FAF1: variants seen among roughly 807,000 people sequenced by gnomAD.
FAF1 encodes the protein FAS-associated factor 1.
A neutral mutation model predicts 92.5 loss-of-function variants in FAF1; 25 were observed. The ratio of observed to expected loss-of-function variants is 0.27; its 90% CI spans 0.20 to 0.38. The LOEUF (loss-of-function observed/expected upper bound fraction) is 0.38. Ranked by LOEUF, FAF1 falls within the 10% of genes least tolerant of loss-of-function variation. The probability of loss-of-function intolerance (pLI) is 1.00; values close to 1 mark genes in which losing one functional copy is unlikely to be tolerated. For synonymous variants in FAF1, 234 were observed against 273.2 expected, an observed-to-expected ratio of 0.86 and a Z score of 1.42; for missense variants, 636 against 793.3, an observed-to-expected ratio of 0.80 and a Z score of 2.38.
At chr1:50,837,904 C>T (rs1193600159) in intron 2 of FAF1, among the ~76,000 whole-genome samples, 1 of 152,030 alleles carries the variant, frequency 6.6e-6, no homozygotes, top group South Asian at 2.1e-4. Flanking sequence ...ACACCATGCC[C>T]AGCTAATTTT....
intron 4 of FAF1, among the ~76,000 whole-genome samples, chr1:50,751,964 GTTTTGT>G (rs916595250): frequency 1.4e-4 from 22 of 152,038 alleles, no homozygotes; most frequent in Admixed American, 5.2e-4. Flanking sequence ...TTGTGGGAAG[GTTTTGT>G]TTTTGTTTTT....
In FAF1 at chr1:50,649,779, A is replaced by G. The variant is rs548727259; in HGVS notation, c.744+5663T>C. On this transcript the variant is annotated intron_variant, in intron 8 of 18. Coordinates refer to ENST00000396153, the MANE Select transcript of FAF1 (RefSeq NM_007051.3). ...AACTTATGAAACCGCGTCTCTACTA[A>G]AACTACAAAAAAAAAAAAAAAAGAA... 5.5e-3 allele frequency among the ~76,000 whole-genome samples: 819 copies of G among 147,594 alleles called. 2 individuals carry two copies. The highest frequency in any genetic ancestry group is 7.8e-3 in the Non-Finnish European group (522 of 66,772).
chr1:50,772,360 G>A (rs1352627050), intron 4 of FAF1, among the ~76,000 whole-genome samples: 1 of 152,002 alleles, frequency 6.6e-6, no homozygotes, highest in Non-Finnish European at 1.5e-5. Context: ...TATACACAAA[G>A]GAACATCAAT....
At chr1:50,865,623 G>A (rs1644474642) in intron 1 of FAF1, among the ~76,000 whole-genome samples, 1 of 130,560 alleles carries the variant, frequency 7.7e-6, no homozygotes, top group African/African-American at 2.9e-5. Context: ...TCACTCATAG[G>A]TGGGAATTGA....
At chr1:50,469,096 CT>C (rs1011978839) in intron 18 of FAF1, among the ~76,000 whole-genome samples, 397 of 151,980 alleles carry the variant, frequency 2.6e-3, no homozygotes, top group Non-Finnish European at 4.2e-3. Flanking sequence ...TTGCTATTTA[CT>C]TTTTTTTGAA....
intron 1 of FAF1, among the ~76,000 whole-genome samples, chr1:50,903,786 G>T (rs985554436): frequency 6.6e-6 from 1 of 152,152 alleles, no homozygotes; most frequent in Non-Finnish European, 1.5e-5. Context: ...CCCTTAACAA[G>T]AAATTAGGGA....
intron 7 of FAF1, among the ~76,000 whole-genome samples, chr1:50,686,179 G>A (rs950649070): frequency 1.3e-4 from 20 of 152,176 alleles, no homozygotes; most frequent in Admixed American, 1.2e-3. Flanking sequence ...CACTTGAAAT[G>A]TTATTCTAGT....
At chr1:50,863,178 G>T (rs55839847) in intron 1 of FAF1, among the ~76,000 whole-genome samples, 1 of 151,886 alleles carries the variant, frequency 6.6e-6, no homozygotes. Context: ...TCAGACCACA[G>T]TAGAATAAAA....
chr1:50,621,398 T>TTC (rs1015368306), intron 8 of FAF1, among the ~76,000 whole-genome samples: 2 of 125,756 alleles, frequency 1.6e-5, no homozygotes, highest in African/African-American at 6.5e-5. Context: ...TTTCTTTTTT[T>TTC]TTTTTTTTTT....
intron 15 of FAF1, among the ~76,000 whole-genome samples, chr1:50,530,021 C>G: frequency 6.6e-6 from 1 of 152,170 alleles, no homozygotes; most frequent in Middle Eastern, 3.4e-3. Context: ...CATTTAGTAA[C>G]CTAATCATCA....
chr1:50,447,561 GACTGTGTGCTGATAGC>G (rs775572538), intron 18 of FAF1, among the ~76,000 whole-genome samples: 1 of 152,154 alleles, frequency 6.6e-6, no homozygotes. Flanking sequence ...TCATTCTCTA[GACTGTGTGCTGATAGC>G]ACTGTGAGTT....
chr1:50,803,311 T>A (rs1211920858), intron 2 of FAF1, among the ~76,000 whole-genome samples: 2 of 152,088 alleles, frequency 1.3e-5, no homozygotes, highest in African/African-American at 4.8e-5. Context: ...CAAAAAACAT[T>A]TTCACTGAGG....
At chr1:50,849,266 CAAAAAAA>C (rs369712410) in intron 2 of FAF1, among the ~76,000 whole-genome samples, 2 of 88,730 alleles carry the variant, frequency 2.3e-5, no homozygotes, top group African/African-American at 9.2e-5. Flanking sequence ...GACTCCGTCT[CAAAAAAA>C]AAAAAAAGAA....
intron 18 of FAF1, among the ~76,000 whole-genome samples, chr1:50,475,096 T>C (rs1325270030): frequency 2.0e-5 from 3 of 152,252 alleles, no homozygotes. Context: ...TCATTGACCC[T>C]GATATCTAAC....
chr1:50,636,326 G>A (rs989068100), intron 8 of FAF1, among the ~76,000 whole-genome samples: 2 of 149,254 alleles, frequency 1.3e-5, no homozygotes, highest in Non-Finnish European at 3.0e-5. Context: ...TACCATACCT[G>A]ATCTGAGGCA....
intron 2 of FAF1, among the ~76,000 whole-genome samples, chr1:50,834,240 T>C (rs1390486566): frequency 1.3e-5 from 2 of 152,242 alleles, no homozygotes; most frequent in African/African-American, 4.8e-5. Flanking sequence ...TCCCCAGCCA[T>C]GTTTCCTGTA....
In FAF1 at chr1:50,447,929, C is replaced by T. The variant is rs567428234; in HGVS notation, c.1870-6406G>A. On this transcript the variant is annotated intron_variant, in intron 18 of 18. Transcript: ENST00000396153. The stretch of plus-strand genomic sequence containing the variant: ...AGGACCAGACTATATGGGTTCCAGT[C>T]CTGACTCTAGCAGTATGACTTTGGA... Among the ~76,000 whole-genome samples, 5 of 152,320 alleles carry T rather than the reference C, an allele frequency of 3.3e-5. No homozygotes were observed. The South Asian group carries it at 1.0e-3, about 32-fold the overall frequency.
At chr1:50,696,601 T>G (rs906190346) in intron 7 of FAF1, among the ~76,000 whole-genome samples, 2 of 152,192 alleles carry the variant, frequency 1.3e-5, no homozygotes, top group African/African-American at 4.8e-5. Flanking sequence ...TTCCTAGCCT[T>G]CATCTAAATG....
chr1:50,721,647 CAG>C (rs1315822203), intron 6 of FAF1, among the ~76,000 whole-genome samples: 1 of 151,950 alleles, frequency 6.6e-6, no homozygotes, highest in Non-Finnish European at 1.5e-5. Context: ...GTTTTGGAGA[CAG>C]GGTCTCACTC....
Sources: gnomAD v4.1 joint callset for allele counts (sites outside exome capture counted in the v4.1 genomes callset) on GRCh38, gnomAD v4.1.1 for gene constraint, MANE v1.5 for transcripts, NCBI Gene and HGNC (gene_info 2026-07-23, HGNC 2026-07-21) for gene names.